Variants in COPG2 observed in about 807,000 individuals in gnomAD.
COPG2 encodes the protein coatomer subunit gamma-2.
COPG2 carries 37 observed loss-of-function variants against 46.3 expected under a neutral mutation model. The observed-to-expected ratio is 0.80, with a 90% confidence interval of 0.61 to 1.05. The LOEUF (loss-of-function observed/expected upper bound fraction) is 1.05, where lower values mean the gene tolerates loss of function less well. COPG2 is among the 50% of genes least tolerant of loss of function. COPG2 has a pLI of 0.00. For missense variants in COPG2, 427 were observed against 387.8 expected, an observed-to-expected ratio of 1.10 and a Z score of -0.85; for synonymous variants, 159 against 129.7, an observed-to-expected ratio of 1.23 and a Z score of -1.53.
chr7:130,531,276 G>C (rs1307661801), intron 20 of COPG2, among the ~76,000 whole-genome samples: 1 of 152,008 alleles, frequency 6.6e-6, no homozygotes, highest in Non-Finnish European at 1.5e-5. Context: ...TATATGTTCA[G>C]GGTTGAGGGT....
chr7:130,663,126 G>C, intron 3 of COPG2, 88 bp from the exon 4 acceptor site: 1 of 677,374 alleles, frequency 1.5e-6, no homozygotes, highest in Non-Finnish European at 2.3e-6. Context: ...TTCTATTTCT[G>C]CAAAAATCCT....
intron 20 of COPG2, among the ~76,000 whole-genome samples, chr7:130,530,931 C>T (rs984483878): frequency 7.3e-5 from 11 of 151,382 alleles, no homozygotes; most frequent in Admixed American, 2.6e-4. Context: ...GCATAGGGAA[C>T]GGAAAGTGTA....
At chr7:130,586,615 A>C (rs1457170753) in intron 9 of COPG2, among the ~76,000 whole-genome samples, 3 of 151,920 alleles carry the variant, frequency 2.0e-5, no homozygotes, top group Non-Finnish European at 2.9e-5. Flanking sequence ...GGCACCCGCC[A>C]CCACGCCGGG....
At chr7:130,632,414 C>A (rs2116169652) in intron 5 of COPG2, among the ~76,000 whole-genome samples, 1 of 152,290 alleles carries the variant, frequency 6.6e-6, no homozygotes, top group East Asian at 1.9e-4. Flanking sequence ...CATTAAGTGA[C>A]TGAGAGCAGA....
chr7:130,653,899 C>G (rs1795799039), intron 4 of COPG2, among the ~76,000 whole-genome samples: 1 of 151,682 alleles, frequency 6.6e-6, no homozygotes, highest in South Asian at 2.1e-4. Context: ...TGGGGCAGAT[C>G]AAAGCTACTA....
intron 13 of COPG2, 107 bp from the exon 14 acceptor site, chr7:130,554,831 T>G: frequency 2.5e-6 from 1 of 397,898 alleles, no homozygotes; most frequent in Non-Finnish European, 4.4e-6. Flanking sequence ...ATTTCCCACC[T>G]TTTATGAAAG....
intron 5 of COPG2, chr7:130,645,088 A>G (rs1290226916): frequency 1.0e-5 from 4 of 382,666 alleles, no homozygotes; most frequent in Non-Finnish European, 2.0e-5. Context: ...AAAAAAAAGA[A>G]AAGAAATGCT....
intron 9 of COPG2, chr7:130,610,644 G>T: frequency 1.8e-6 from 1 of 556,636 alleles, no homozygotes; most frequent in South Asian, 1.5e-5. Context: ...AAAAGGGATA[G>T]GATAATTCTT....
chr7:130,544,691 CG>C (rs1793401008), intron 20 of COPG2, among the ~76,000 whole-genome samples: 1 of 151,934 alleles, frequency 6.6e-6, no homozygotes, highest in Admixed American at 6.6e-5. Context: ...TATATTGTTA[CG>C]GGTGCAATAA....
intron 20 of COPG2, among the ~76,000 whole-genome samples, chr7:130,510,385 G>A (rs1177736723): frequency 2.0e-5 from 3 of 152,136 alleles, no homozygotes; most frequent in African/African-American, 7.2e-5. Context: ...GTTAACACAA[G>A]GCCAGAACAG....
chr7:130,586,139 A>C lies in COPG2; in HGVS notation c.738-21746T>G, dbSNP rs1315646709. ...TATGATGGAATACTACTCAGCCATA[A>C]AAAAGGAATGAATTAATGGCACTCA... On this transcript the variant is annotated intron_variant, in intron 9 of 23. Coordinates refer to ENST00000425248, the MANE Select transcript of COPG2 (RefSeq NM_012133.6). Among the ~76,000 whole-genome samples, 2 of 152,146 alleles carry C rather than the reference A, an allele frequency of 1.3e-5. 1 individual carries two copies. Among genetic ancestry groups the C allele is most frequent in the Non-Finnish European group, 2.9e-5 (2 of 68,028 alleles).
intron 2 of COPG2, 25 bp downstream of exon 2, chr7:130,667,457 G>C (rs1554461627): frequency 2.5e-6 from 4 of 1,603,676 alleles, no homozygotes; most frequent in Admixed American, 1.7e-5. Context: ...GAAAAGAAAG[G>C]GCACAAGATA....
intron 5 of COPG2, among the ~76,000 whole-genome samples, chr7:130,635,015 T>C (rs1368477940): frequency 3.3e-5 from 5 of 150,888 alleles, no homozygotes; most frequent in African/African-American, 9.8e-5. Flanking sequence ...ATTACATTTG[T>C]TGATTTGTGT....
intron 4 of COPG2, among the ~76,000 whole-genome samples, chr7:130,660,278 C>T (rs1554460531): frequency 6.6e-6 from 1 of 152,188 alleles, no homozygotes; most frequent in Non-Finnish European, 1.5e-5. Context: ...TTATTCCTTG[C>T]ATCTGGGTAC....
chr7:130,512,739 C>T (rs36177019), intron 20 of COPG2, among the ~76,000 whole-genome samples: 5,256 of 151,586 alleles, frequency 0.035, 156 homozygotes, highest in Middle Eastern at 0.065. Flanking sequence ...AGTGAGTTTC[C>T]GTCTCAAAAA....
chr7:130,556,201 A>T (rs1478243007), intron 12 of COPG2, among the ~76,000 whole-genome samples: 9 of 152,170 alleles, frequency 5.9e-5, no homozygotes, highest in Admixed American at 5.9e-4. Flanking sequence ...GGAAAACATT[A>T]TTATATTGGA....
chr7:130,549,042 G>GAAAAAAA (rs1793491832), intron 18 of COPG2, among the ~76,000 whole-genome samples: 1 of 85,454 alleles, frequency 1.2e-5, no homozygotes, highest in African/African-American at 7.0e-5. Context: ...AAAGCAAAAA[G>GAAAAAAA]CAAAAAAAAA....
Position 130,564,057 on chromosome 7 carries a change from T to C in COPG2, c.871+203A>G, listed in dbSNP as rs993792932. ...ATAAAATTCTTTCAAAAGTTTTATA[T>C]GGAGAAATAGAAACATTAAAAAAAG... On this transcript the variant is annotated intron_variant, in intron 10 of 23. Coordinates refer to ENST00000425248, the MANE Select transcript of COPG2 (RefSeq NM_012133.6). Among the ~76,000 whole-genome samples the C allele has an allele frequency of 1.2e-4, 18 of 152,082 alleles. No individual in the cohort carries two copies. In the South Asian group the frequency reaches 1.2e-3, roughly 11 times the overall value.
chr7:130,603,588 G>A (rs895622323), intron 9 of COPG2, among the ~76,000 whole-genome samples: 6 of 151,898 alleles, frequency 4.0e-5, no homozygotes, highest in African/African-American at 1.5e-4. Flanking sequence ...GGGTGTGGTG[G>A]TGCGTGCCTG....
Sources: gnomAD v4.1 joint callset for allele counts (sites outside exome capture counted in the v4.1 genomes callset) on GRCh38, gnomAD v4.1.1 for gene constraint, MANE v1.5 for transcripts, NCBI Gene and HGNC (gene_info 2026-07-23, HGNC 2026-07-21) for gene names.